The following CATSPER4 variants were observed in gnomAD, a reference collection of about 807,000 sequenced individuals.
The protein encoded by CATSPER4 is cation channel sperm-associated protein 4.
A neutral mutation model predicts 54.4 loss-of-function variants in CATSPER4; 46 were observed. That is an observed-to-expected ratio of 0.84 (90% confidence interval 0.67 to 1.08). The LOEUF is 1.08. CATSPER4 is among the 50% of genes least tolerant of loss of function. CATSPER4 has a pLI of 0.00. For synonymous variants in CATSPER4, 230 were observed against 231.9 expected (o/e 0.99, Z 0.08); for missense variants, 574 against 612.8 (o/e 0.94, Z 0.67).
Position 26,197,687 on chromosome 1 carries a change from A to G in CATSPER4, c.461A>G (p.Asp154Gly), listed in dbSNP as rs757933990. 1 of 1,612,556 alleles carries G rather than the reference A, an allele frequency of 6.2e-7. No individual in the cohort carries two copies. The highest frequency in any genetic ancestry group is 8.5e-7 in the Non-Finnish European group (1 of 1,179,726). The change falls in exon 4 of 10, where the codon GAC (aspartate) becomes GGC (glycine). Residue 154 changes from aspartate to glycine, a missense_variant and splice_region_variant. Transcript: ENST00000456354. ...CACTGGGGCTGGCCCACTCCCCAGG[A>G]CGGCTGGAACATCCTCAACTTCATT... ...WLNGFWIFWKDGWNILNFIIV... is the reference protein window; with the variant it reads ...WLNGFWIFWKGGWNILNFIIV...
chr1:26,201,669 T>C (rs1341236505), intron 9 of CATSPER4, 150 bp downstream of exon 9: 6 of 704,362 alleles, frequency 8.5e-6, no homozygotes, highest in Non-Finnish European at 1.5e-5. Flanking sequence ...TTTTTCTTTT[T>C]TCTTTTTCTT....
intron 2 of CATSPER4, 30 bp from the exon 3 acceptor site, chr1:26,193,757 G>T: frequency 1.3e-6 from 2 of 1,484,482 alleles, no homozygotes; most frequent in Non-Finnish European, 1.9e-6. Context: ...TGACCTCTCT[G>T]CCCCTCTTTT....
At chr1:26,200,376 T>C (rs1487938960) in intron 7 of CATSPER4, among the ~76,000 whole-genome samples, 4 of 152,086 alleles carry the variant, frequency 2.6e-5, no homozygotes, top group Admixed American at 2.6e-4. Context: ...ACTCATAGGG[T>C]TATTTTATGA....
At chr1:26,195,083 C>CA (rs984068765) in intron 3 of CATSPER4, among the ~76,000 whole-genome samples, 11 of 151,172 alleles carry the variant, frequency 7.3e-5, no homozygotes, top group South Asian at 2.1e-4. Flanking sequence ...GATTCTGTTT[C>CA]AAAAAAAAAG....
rs959948051 is a variant in CATSPER4, at chr1:26,202,632, C to T, written c.*90C>T. Reference sequence around the variant, plus strand: ...TTAGTGTGGCTTGGCAGAGCCTGGCCAGAGCCCATCCTCTCCCTTATACCT... The same window carrying T: ...TTAGTGTGGCTTGGCAGAGCCTGGCTAGAGCCCATCCTCTCCCTTATACCT... On this transcript the variant is annotated 3_prime_UTR_variant, in exon 10 of 10. Coordinates refer to ENST00000456354, the MANE Select transcript of CATSPER4 (RefSeq NM_198137.2). The T allele has an allele frequency of 6.6e-5, 79 of 1,195,926 alleles. No homozygotes were observed. The highest frequency in any genetic ancestry group is 9.1e-5 in the Non-Finnish European group (75 of 820,910). 74.1% of individuals were successfully genotyped at this position (1,195,926 alleles called of 1,614,324 possible). A position where few individuals can be genotyped will look rare whatever the true frequency, so the allele number is the denominator to read the frequency against.
chr1:26,201,222 G>C (rs1021429149), intron 8 of CATSPER4, 132 bp from the exon 9 acceptor site: 2 of 1,066,612 alleles, frequency 1.9e-6, no homozygotes, highest in African/African-American at 3.1e-5. Flanking sequence ...TCTCACACAA[G>C]GGCACAGCTC....
In CATSPER4 at chr1:26,199,846, G is replaced by A. The variant is rs760761584; in HGVS notation, c.813-38G>A. The A allele has an allele frequency of 1.9e-6, 3 of 1,610,310 alleles. No homozygotes were observed. In the East Asian group the frequency reaches 6.7e-5, roughly 36 times the overall value. On this transcript the variant is annotated intron_variant, in intron 6 of 9. Transcript: ENST00000456354. ...TGACAAGGAAACTCAGGCTTGAAGG[G>A]CCAGGGAAATGATGGGGCCCCTGCC...
At chr1:26,200,152 A>G in intron 7 of CATSPER4, 94 bp downstream of exon 7, 1 of 1,440,466 alleles carries the variant, frequency 6.9e-7, no homozygotes, top group Non-Finnish European at 9.4e-7. Context: ...TTGCATAATC[A>G]AGGGCCTGGA....
At chr1:26,201,271 C>A in intron 8 of CATSPER4, 83 bp from the exon 9 acceptor site, 3 of 1,447,616 alleles carry the variant, frequency 2.1e-6, no homozygotes, top group Non-Finnish European at 1.9e-6. Context: ...GAGAGCGAAG[C>A]GGGGGTGACG....
chr1:26,202,701 T>G lies in CATSPER4; in HGVS notation c.*159T>G, dbSNP rs534090505. 1 of 697,304 alleles carries G rather than the reference T, an allele frequency of 1.4e-6. No homozygotes were observed. The highest frequency in any genetic ancestry group is 1.7e-5 in the South Asian group (1 of 60,326). The allele number at this position is 697,304 out of a possible 1,614,324, so 43.2% of individuals were successfully genotyped here. On this transcript the variant is annotated 3_prime_UTR_variant, in exon 10 of 10. Coordinates refer to ENST00000456354, the MANE Select transcript of CATSPER4 (RefSeq NM_198137.2). ...GTGAAGGTGGCAGCACCTGCAGGTC[T>G]GGTGCCTGTGAGCCCCAGGTCCGGT...
chr1:26,198,236 T>C, intron 5 of CATSPER4, 50 bp from the exon 6 acceptor site: 7 of 1,614,176 alleles, frequency 4.3e-6, no homozygotes, highest in Non-Finnish European at 5.9e-6. Flanking sequence ...GTGTGTCCTA[T>C]TTCCAGGCCC....
rs1032814357 is a variant in CATSPER4 at position 26,201,003 on chromosome 1, C to T, written c.1161C>T (p.Asn387=). 1.9e-6 allele frequency: 3 copies of T among 1,614,130 alleles called. No homozygotes were observed. The highest frequency in any genetic ancestry group is 2.5e-6 in the Non-Finnish European group (3 of 1,180,002). Residue 387 remains asparagine (N), a synonymous_variant, in exon 8 of 10, where the codon AAC becomes AAT. Coordinates refer to ENST00000456354, the MANE Select transcript of CATSPER4 (RefSeq NM_198137.2). Reference sequence around the variant, plus strand: ...TGGTGCTTGAGGCAATACAGGAGAACCTGAGGCAGTACAAGGAGATCCGAG... The same window carrying T: ...TGGTGCTTGAGGCAATACAGGAGAATCTGAGGCAGTACAAGGAGATCCGAG... The part of the protein sequence containing the change: ...FCLVLEAIQE[N]LRQYKEIRDE...
Position 26,193,842 on chromosome 1 carries a change from G to A in CATSPER4, c.413G>A (p.Cys138Tyr). Residue 138 changes from cysteine (C) to tyrosine (Y), a missense_variant, in exon 3 of 10, where the codon TGT becomes TAT. By Grantham distance (194) the Cys-to-Tyr change is radical. Transcript: ENST00000456354. ...GACATTGTGCTGACCATCCTTCTTT[G>A]TGAGGTTCTCCTTGGCTGGCTCAAT... The part of the protein sequence containing the change: ...IDDIVLTILL[C>Y]EVLLGWLNGF... 6.2e-7 allele frequency: 1 copy of A among 1,614,086 alleles called. No homozygotes were observed. Among genetic ancestry groups the A allele is most frequent in the Non-Finnish European group, 8.5e-7 (1 of 1,180,004 alleles).
intron 6 of CATSPER4, 126 bp from the exon 7 acceptor site, chr1:26,199,758 T>G: frequency 9.9e-7 from 1 of 1,005,154 alleles, no homozygotes; most frequent in Non-Finnish European, 1.5e-6. Context: ...GAATGGGATC[T>G]GCACAACAGC....
At position 26,200,908 on chromosome 1, in the gene CATSPER4, C is replaced by G; in HGVS notation, c.1066C>G (p.Leu356Val). ...CVVARSEKSG[L>V]LQEPLAGGPL... ...GGTCGCCCGCTCGGAGAAATCTGGT[C>G]TCCTCCAGGAACCCCTTGCGGGAGG... The change falls in exon 8 of 10, where the codon CTC becomes GTC. Residue 356 changes from leucine (L) to valine (V), a missense_variant. Physicochemically the swap from Leu to Val is conservative, Grantham distance 32. Transcript: ENST00000456354. 1 of 1,614,102 alleles carries G rather than the reference C, an allele frequency of 6.2e-7. No individual in the cohort carries two copies. The highest frequency in any genetic ancestry group is 2.2e-5 in the East Asian group (1 of 44,864).
intron 2 of CATSPER4, 136 bp downstream of exon 2, chr1:26,191,566 T>G (rs2088869715): frequency 9.8e-7 from 1 of 1,022,222 alleles, no homozygotes; most frequent in African/African-American, 1.6e-5. Flanking sequence ...GCTCTGACCT[T>G]CTAGGAATCT....
At chr1:26,197,931 G>C (rs1450075781) in intron 4 of CATSPER4, 26 bp from the exon 5 acceptor site, 5 of 1,612,166 alleles carry the variant, frequency 3.1e-6, no homozygotes, top group Non-Finnish European at 4.2e-6. Context: ...AGGGCCTAGG[G>C]GCACCCCTGA....
Position 26,201,532 on chromosome 1 carries a change from T to C in CATSPER4, c.1365+13T>C. 6.2e-7 allele frequency: 1 copy of C among 1,613,698 alleles called. No individual in the cohort carries two copies. Among genetic ancestry groups the C allele is most frequent in the Non-Finnish European group, 8.5e-7 (1 of 1,179,812 alleles). On this transcript the variant is annotated intron_variant, in intron 9 of 9. Coordinates refer to ENST00000456354, the MANE Select transcript of CATSPER4 (RefSeq NM_198137.2). ...TAGCATGGAAAAGGTGTGCCTTCCT[T>C]CTCCTACCCAATGGGTACTCGCCCT...
At position 26,191,260 on chromosome 1, in the gene CATSPER4, C is replaced by T. The variant is rs766702056; in HGVS notation, c.214-27C>T. On this transcript the variant is annotated intron_variant, in intron 1 of 9. Coordinates refer to ENST00000456354, the MANE Select transcript of CATSPER4 (RefSeq NM_198137.2). ...AGAGGCTTCCTATGGTGACACCTGC[C>T]TGAAGGAAGGTCCTGCCCTCTTCCA... 4.3e-6 allele frequency: 7 copies of T among 1,613,518 alleles called. No homozygotes were observed. In the East Asian group the frequency reaches 1.6e-4, roughly 36 times the overall value.
Sources: allele counts gnomAD v4.1 joint callset (sites outside exome capture counted in the v4.1 genomes callset), GRCh38; gene constraint gnomAD v4.1.1; transcripts MANE v1.5; gene names NCBI Gene and HGNC (gene_info 2026-07-23, HGNC 2026-07-21).